CCP110: variants seen among roughly 807,000 people sequenced by gnomAD.
CCP110 encodes the protein centriolar coiled-coil protein 110.
Under a neutral mutation model 105.5 loss-of-function variants are expected in CCP110, and 43 were observed. The observed-to-expected ratio is 0.41, with a 90% confidence interval of 0.32 to 0.53. CCP110 has a LOEUF of 0.53. CCP110 is among the 20% of genes least tolerant of loss of function. The pLI is 0.32. For missense variants in CCP110, 1,016 were observed against 1,189.1 expected (o/e 0.85, Z 2.14); for synonymous variants, 353 against 392.1 (o/e 0.90, Z 1.18).
chr16:19,526,708 A>G lies in CCP110; in HGVS notation c.-15-1159A>G, dbSNP rs1397842137. 2.0e-5 allele frequency: 3 copies of G among 151,894 alleles called. No individual in the cohort carries two copies. The South Asian group carries it at 6.2e-4, about 32-fold the overall frequency. 9.4% of individuals were successfully genotyped at this position (151,894 alleles called of 1,614,324 possible). On this transcript the variant is annotated intron_variant, in intron 1 of 14. Transcript: ENST00000381396. ...TTTTTTTCCCATTTCTCATTGCACT[A>G]TAATTTGTCCCTGATACTTTGGTGT...
At chr16:19,543,561 G>A (rs1970361669) in intron 8 of CCP110, among the ~76,000 whole-genome samples, 1 of 152,190 alleles carries the variant, frequency 6.6e-6, no homozygotes, top group Non-Finnish European at 1.5e-5. Flanking sequence ...CTGACTGCCT[G>A]CGAGGTCGGG....
intron 1 of CCP110, chr16:19,526,304 T>C (rs561788226): frequency 6.6e-6 from 1 of 152,336 alleles, no homozygotes; most frequent in East Asian, 1.9e-4. Flanking sequence ...ATAGAAGATA[T>C]ATTACTTTAT....
chr16:19,538,594 G>A (rs1382649474), intron 4 of CCP110, among the ~76,000 whole-genome samples: 1 of 152,026 alleles, frequency 6.6e-6, no homozygotes, highest in African/African-American at 2.4e-5. Context: ...ACAGGCATGA[G>A]CCACCGCACC....
intron 1 of CCP110, chr16:19,524,977 G>A (rs1949966090): frequency 6.6e-6 from 1 of 152,218 alleles, no homozygotes; most frequent in African/African-American, 2.4e-5. Flanking sequence ...ATTCCTTTGA[G>A]ACGGATACCG....
chr16:19,541,637 AAGAGAGAGAGAGGAGAGAGAGAG>A (rs1970282445), intron 5 of CCP110, among the ~76,000 whole-genome samples: 1 of 122,486 alleles, frequency 8.2e-6, no homozygotes, highest in African/African-American at 3.2e-5. Flanking sequence ...TGAAACAAGA[AAGAGAGAGAGAGGAGAGAGAGAG>A]AGAGAGAGAG....
At chr16:19,539,974 G>A (rs1371658469) in intron 4 of CCP110, among the ~76,000 whole-genome samples, 2 of 151,558 alleles carry the variant, frequency 1.3e-5, no homozygotes, top group African/African-American at 4.9e-5. Context: ...GTAGAGATTC[G>A]GTTTCACCAT....
intron 3 of CCP110, among the ~76,000 whole-genome samples, chr16:19,533,653 G>A (rs528548707): frequency 1.4e-4 from 21 of 152,148 alleles, no homozygotes; most frequent in Non-Finnish European, 2.6e-4. Flanking sequence ...AGTAGAGGAA[G>A]AAGTCAAATA....
At position 19,548,479 on chromosome 16, in the gene CCP110, T is replaced by G. The variant is rs577646514; in HGVS notation, c.2901-36T>G. 6.9e-6 allele frequency: 9 copies of G among 1,303,528 alleles called. No homozygotes were observed. The highest frequency in any genetic ancestry group is 7.5e-6 in the Non-Finnish European group (7 of 936,280). 80.7% of individuals were successfully genotyped at this position (1,303,528 alleles called of 1,614,324 possible). Reference sequence around the variant, plus strand: ...TGAATTTTGAACATTTAGACCTTAATGCCAGTGACTTATTAATTTTTTTAT... The same window carrying G: ...TGAATTTTGAACATTTAGACCTTAAGGCCAGTGACTTATTAATTTTTTTAT... On this transcript the variant is annotated intron_variant, in intron 13 of 14. Transcript: ENST00000381396. This position sits in a 1 kb window ranked among gnomAD's most constrained non-coding sequence, Gnocchi z 4.1.
At chr16:19,527,365 TAAA>T (rs58097336) in intron 1 of CCP110, among the ~76,000 whole-genome samples, 1 of 143,770 alleles carries the variant, frequency 7.0e-6, no homozygotes. Flanking sequence ...CTTGTCTCTT[TAAA>T]AAAAAAAAAA....
At chr16:19,547,902 GA>G in intron 12 of CCP110, 52 bp from the exon 13 acceptor site, 3 of 1,294,532 alleles carry the variant, frequency 2.3e-6, no homozygotes, top group East Asian at 2.3e-5. Flanking sequence ...AAGAAAATGG[GA>G]AAAAATGGAA....
intron 9 of CCP110, 90 bp downstream of exon 9, chr16:19,544,988 A>G: frequency 1.0e-6 from 1 of 996,974 alleles, no homozygotes; most frequent in Non-Finnish European, 1.5e-6. Flanking sequence ...TTTCAATGAA[A>G]ACTATTTTAA....
intron 2 of CCP110, 118 bp downstream of exon 2, chr16:19,528,140 G>A: frequency 1.2e-6 from 1 of 817,036 alleles, no homozygotes; most frequent in Admixed American, 3.3e-5. Context: ...CAGAATTAGA[G>A]AAATACAAAT....
exon 4 of CCP110, chr16:19,535,982 A>G (rs755649388): frequency 6.2e-7 from 1 of 1,612,514 alleles, no homozygotes; most frequent in South Asian, 1.1e-5. Flanking sequence ...TCAGTGGGAG[A>G]TGGAAACAGT....
chr16:19,532,361 G>A lies in CCP110; in HGVS notation c.142-55G>A, dbSNP rs931799726. On this transcript the variant is annotated intron_variant, in intron 2 of 14. Coordinates refer to ENST00000381396, the Ensembl canonical transcript of CCP110. ...TAATCTTTCTGATTCACAACTTCCC[G>A]ATTTTATGATATTTTTATCGTGGGA... is the stretch of plus-strand genomic sequence containing the variant. 2.8e-5 allele frequency: 41 copies of A among 1,466,108 alleles called. No individual in the cohort carries two copies. In the East Asian group the frequency reaches 4.0e-4, roughly 14 times the overall value. 90.8% of individuals were successfully genotyped at this position (1,466,108 alleles called of 1,614,324 possible).
intron 5 of CCP110, among the ~76,000 whole-genome samples, chr16:19,541,133 TC>T (rs1970261778): frequency 6.6e-6 from 1 of 152,084 alleles, no homozygotes; most frequent in African/African-American, 2.4e-5. Context: ...GAGCCTGTAG[TC>T]CCAGCTATGC....
rs754684122 is a variant in CCP110, at chr16:19,532,500, A to G, written c.226A>G (p.Lys76Glu). 4 of 1,611,570 alleles carry G rather than the reference A, an allele frequency of 2.5e-6. No homozygotes were observed. The East Asian group carries it at 8.9e-5, about 36-fold the overall frequency. The change falls in exon 3 of 15, where the codon AAA (lysine) becomes GAA (glutamate). Residue 76 changes from lysine (K) to glutamate (E), a missense_variant. Lys to Glu is a moderately conservative substitution (Grantham distance 56). Transcript: ENST00000381396. The stretch of plus-strand genomic sequence containing the variant: ...AGCAAGAAAGCAGGTTAACAGGAAG[A>G]AAGCTTTACTGACTCGTGTCCAGGA...
intron 2 of CCP110, among the ~76,000 whole-genome samples, chr16:19,528,870 A>G (rs1462176511): frequency 1.3e-5 from 2 of 152,142 alleles, no homozygotes; most frequent in Non-Finnish European, 2.9e-5. Context: ...TGCCTGGACT[A>G]CAGAGAAAGA....
At chr16:19,537,932 A>G (rs1003424779) in intron 4 of CCP110, among the ~76,000 whole-genome samples, 1 of 152,004 alleles carries the variant, frequency 6.6e-6, no homozygotes, top group African/African-American at 2.4e-5. Context: ...TAATTTTTGT[A>G]TTTTTTGTAC....
At chr16:19,524,702 C>T (rs1281489016) in intron 1 of CCP110, 1 of 152,166 alleles carries the variant, frequency 6.6e-6, no homozygotes, top group Non-Finnish European at 1.5e-5. Flanking sequence ...TGGCAGCCAT[C>T]TCGAGATTGA....
Sources: allele counts gnomAD v4.1 joint callset (sites outside exome capture counted in the v4.1 genomes callset), GRCh38; gene constraint gnomAD v4.1.1; non-coding constraint Gnocchi (gnomAD v3.1); transcripts MANE v1.5; gene names NCBI Gene and HGNC (gene_info 2026-07-23, HGNC 2026-07-21).